Variants in TTC17 observed in about 807,000 individuals in gnomAD.
TTC17 encodes the protein tetratricopeptide repeat protein 17.
In TTC17, 58 loss-of-function variants were observed where a neutral mutation model predicts 143.8. The observed-to-expected ratio is 0.40, with a 90% CI of 0.33 to 0.50. TTC17 has a LOEUF of 0.50. Ranked by LOEUF, TTC17 falls within the 20% of genes least tolerant of loss-of-function variation. The pLI is 0.49. For missense variants in TTC17, 1,273 were observed against 1,392.5 expected (o/e 0.91, Z 1.37); for synonymous variants, 501 against 497.8 (o/e 1.01, Z -0.09).
chr11:43,394,540 G>A (rs1399164165), intron 5 of TTC17, among the ~76,000 whole-genome samples: 3 of 152,102 alleles, frequency 2.0e-5, no homozygotes, highest in Non-Finnish European at 2.9e-5. Context: ...AAGCAGATGA[G>A]TTAGATATGG....
At chr11:43,463,806 A>G (rs777172748) in intron 21 of TTC17, among the ~76,000 whole-genome samples, 5 of 152,276 alleles carry the variant, frequency 3.3e-5, no homozygotes, top group Non-Finnish European at 7.3e-5. Flanking sequence ...CCTAGAAGAC[A>G]TTAAACATAC....
intron 21 of TTC17, among the ~76,000 whole-genome samples, chr11:43,458,150 G>A (rs1046693855): frequency 3.3e-5 from 5 of 152,108 alleles, no homozygotes; most frequent in Non-Finnish European, 5.9e-5. Context: ...GGGCTCAGCC[G>A]GGCACTTCTT....
rs1947490242 is a variant in TTC17 at position 43,444,278 on chromosome 11, G to T, written c.2665+69G>T. On this transcript the variant is annotated intron_variant, in intron 18 of 23. Transcript: ENST00000039989. ...CACTATCTCATTTCTCACAAAGGTT[G>T]TATTTGTAACTTGAAATAGTTCAGA... 2.7e-6 allele frequency: 4 copies of T among 1,484,078 alleles called. No homozygotes were observed. In the South Asian group the frequency reaches 4.2e-5, roughly 16 times the overall value. 91.9% of individuals were successfully genotyped at this position (1,484,078 alleles called of 1,614,324 possible). A position where few individuals can be genotyped will look rare whatever the true frequency, so the allele number is the denominator to read the frequency against.
intron 21 of TTC17, among the ~76,000 whole-genome samples, chr11:43,460,067 T>G (rs1947836505): frequency 1.3e-5 from 2 of 152,200 alleles, no homozygotes; most frequent in African/African-American, 4.8e-5. Flanking sequence ...TTATTTTATC[T>G]TGATCCTCAG....
At chr11:43,459,169 G>A (rs901948386) in intron 21 of TTC17, among the ~76,000 whole-genome samples, 2 of 152,104 alleles carry the variant, frequency 1.3e-5, no homozygotes, top group African/African-American at 4.8e-5. Flanking sequence ...ACATTGTTAT[G>A]GCAAGGATAC....
At chr11:43,363,491 C>T (rs749050376) in intron 1 of TTC17, among the ~76,000 whole-genome samples, 1 of 152,202 alleles carries the variant, frequency 6.6e-6, no homozygotes, top group Non-Finnish European at 1.5e-5. Flanking sequence ...GTACTGAGTT[C>T]TCTGCCTCTG....
chr11:43,412,346 A>G (rs941449200), intron 15 of TTC17, among the ~76,000 whole-genome samples: 2 of 151,736 alleles, frequency 1.3e-5, no homozygotes, highest in Non-Finnish European at 2.9e-5. Flanking sequence ...AAATTAGCCA[A>G]GTGTGGTGGT....
chr11:43,480,498 C>T (rs905382871), intron 21 of TTC17, among the ~76,000 whole-genome samples: 3 of 152,002 alleles, frequency 2.0e-5, no homozygotes, highest in Non-Finnish European at 4.4e-5. Context: ...GAGTGCCGTT[C>T]TAAAGAAAAT....
intron 16 of TTC17, among the ~76,000 whole-genome samples, chr11:43,418,726 C>T (rs1946834256): frequency 6.6e-6 from 1 of 151,914 alleles, no homozygotes; most frequent in Admixed American, 6.6e-5. Flanking sequence ...GTTATCTTCT[C>T]TAAAAAATGG....
chr11:43,403,092 A>G (rs1485711742), intron 10 of TTC17, among the ~76,000 whole-genome samples: 1 of 152,126 alleles, frequency 6.6e-6, no homozygotes. Flanking sequence ...AGAAGACCAG[A>G]TTCACACCCT....
chr11:43,365,114 A>G (rs1856280448), intron 1 of TTC17, among the ~76,000 whole-genome samples: 1 of 150,486 alleles, frequency 6.6e-6, no homozygotes, highest in Non-Finnish European at 1.5e-5. Flanking sequence ...AATGTTTTTT[A>G]TTTTTTAAAG....
intron 1 of TTC17, among the ~76,000 whole-genome samples, chr11:43,373,309 A>G (rs188394701): frequency 4.3e-4 from 65 of 151,900 alleles, no homozygotes; most frequent in African/African-American, 1.5e-3. Context: ...TGACAAATTG[A>G]CAGTTTAAAA....
At chr11:43,444,356 C>A in intron 18 of TTC17, 147 bp downstream of exon 18, 1 of 689,168 alleles carries the variant, frequency 1.5e-6, no homozygotes, top group Non-Finnish European at 2.2e-6. Context: ...TCTTCTGTAT[C>A]AATGAAAAAA....
chr11:43,378,607 A>G (rs562313664), intron 1 of TTC17, among the ~76,000 whole-genome samples: 57 of 152,314 alleles, frequency 3.7e-4, no homozygotes, highest in Non-Finnish European at 7.2e-4. Flanking sequence ...AGGTTATGCA[A>G]TTGTAACATT....
chr11:43,406,728 G>A (rs1010188368), intron 13 of TTC17, among the ~76,000 whole-genome samples: 13 of 152,210 alleles, frequency 8.5e-5, no homozygotes, highest in South Asian at 4.1e-4. Context: ...GTTGTTTACC[G>A]TTATATAAAT....
Position 43,444,007 on chromosome 11 carries a change from A to G in TTC17, c.2512-49A>G, listed in dbSNP as rs1426093470. On this transcript the variant is annotated intron_variant, in intron 17 of 23. Coordinates refer to ENST00000039989, the MANE Select transcript of TTC17 (RefSeq NM_018259.6). ...AAACTAGTATTCACAAATCATTGAC[A>G]GATTTGATCACTGGTCTCATTTGTC... 3 of 1,539,330 alleles carry G rather than the reference A, an allele frequency of 1.9e-6. No homozygotes were observed. In the African/African-American group the frequency reaches 4.2e-5, roughly 21 times the overall value.
intron 13 of TTC17, among the ~76,000 whole-genome samples, 177 bp downstream of exon 13, chr11:43,406,128 T>C (rs1312082915): frequency 6.6e-6 from 1 of 152,058 alleles, no homozygotes; most frequent in African/African-American, 2.4e-5. Flanking sequence ...ATTAAAGGAG[T>C]GCCAGAGAGT....
intron 13 of TTC17, among the ~76,000 whole-genome samples, chr11:43,406,532 T>G (rs1290388091): frequency 6.6e-6 from 1 of 151,978 alleles, no homozygotes; most frequent in South Asian, 2.1e-4. Flanking sequence ...AAAAAAAAAT[T>G]ACCTTTTTAG....
At chr11:43,446,217 T>C in intron 18 of TTC17, 1 of 1,263,334 alleles carries the variant, frequency 7.9e-7, no homozygotes, top group Non-Finnish European at 1.0e-6. Context: ...TGGAATGCCC[T>C]GTGCCCCCTC....
Sources: gnomAD v4.1 joint callset for allele counts (sites outside exome capture counted in the v4.1 genomes callset) on GRCh38, gnomAD v4.1.1 for gene constraint, MANE v1.5 for transcripts, NCBI Gene and HGNC (gene_info 2026-07-23, HGNC 2026-07-21) for gene names.